IMMP2L: variants seen among roughly 807,000 people sequenced by gnomAD.
IMMP2L encodes the protein mitochondrial inner membrane protease subunit 2.
A neutral mutation model predicts 19.3 loss-of-function variants in IMMP2L; 18 were observed. The observed-to-expected ratio is 0.93, with a 90% CI of 0.64 to 1.38. The LOEUF is 1.38. Among genes scored for constraint, IMMP2L ranks in the 40% most tolerant of loss-of-function variants. The pLI is 0.00. For synonymous variants in IMMP2L, 76 were observed against 73.0 expected (o/e 1.04, Z -0.21); for missense variants, 233 against 218.2 (o/e 1.07, Z -0.43).
At chr7:110,920,093 T>C (rs755255957) in intron 4 of IMMP2L, among the ~76,000 whole-genome samples, 2 of 152,172 alleles carry the variant, frequency 1.3e-5, no homozygotes, top group Non-Finnish European at 2.9e-5. Context: ...GGCTATAGAC[T>C]GAAGGCTGCA....
At chr7:111,321,240 T>A (rs559133855) in intron 3 of IMMP2L, among the ~76,000 whole-genome samples, 173 of 152,056 alleles carry the variant, frequency 1.1e-3, no homozygotes, top group Non-Finnish European at 2.2e-3. Flanking sequence ...CATCTGTCCA[T>A]ACAGTGAGAA....
chr7:111,547,110 A>G (rs1848998606), intron 1 of IMMP2L, among the ~76,000 whole-genome samples: 1 of 152,220 alleles, frequency 6.6e-6, no homozygotes. Context: ...AATGCTGGTC[A>G]GAGAAGAATT....
intron 3 of IMMP2L, among the ~76,000 whole-genome samples, chr7:111,006,261 T>C (rs1314697498): frequency 6.6e-6 from 1 of 152,154 alleles, no homozygotes; most frequent in Non-Finnish European, 1.5e-5. Flanking sequence ...TGAAGACAAC[T>C]CTTGACTCAA....
chr7:111,430,803 G>T (rs1190873256), intron 3 of IMMP2L, among the ~76,000 whole-genome samples: 1 of 151,556 alleles, frequency 6.6e-6, no homozygotes, highest in Admixed American at 6.6e-5. Context: ...ATAGACAAAA[G>T]ACACTATTAA....
At chr7:111,034,061 A>G (rs950376306) in intron 3 of IMMP2L, among the ~76,000 whole-genome samples, 1 of 152,124 alleles carries the variant, frequency 6.6e-6, no homozygotes, top group Non-Finnish European at 1.5e-5. Flanking sequence ...AATGCTTTTT[A>G]TGTTGAATTT....
chr7:111,041,989 G>A (rs1425432419), intron 3 of IMMP2L, among the ~76,000 whole-genome samples: 1 of 152,092 alleles, frequency 6.6e-6, no homozygotes, highest in African/African-American at 2.4e-5. Flanking sequence ...CTATATTATA[G>A]GGCTTTTATA....
chr7:111,444,504 T>C (rs1838094066), intron 3 of IMMP2L, among the ~76,000 whole-genome samples: 1 of 152,196 alleles, frequency 6.6e-6, no homozygotes, highest in Non-Finnish European at 1.5e-5. Flanking sequence ...AAAGATTTAA[T>C]ATTTATAGTG....
intron 3 of IMMP2L, among the ~76,000 whole-genome samples, chr7:111,459,185 A>AACTCTTAACTGGGT (rs1839931248): frequency 6.6e-6 from 1 of 152,166 alleles, no homozygotes; most frequent in Non-Finnish European, 1.5e-5. Context: ...TGATTTTTCA[A>AACTCTTAACTGGGT]TATTACAAAG....
intron 3 of IMMP2L, among the ~76,000 whole-genome samples, chr7:111,379,326 G>A (rs894768519): frequency 2.0e-5 from 3 of 151,142 alleles, no homozygotes; most frequent in Non-Finnish European, 4.4e-5. Flanking sequence ...TTATATTCCA[G>A]TCAAGGAACG....
chr7:110,925,780 T>C (rs561587988), intron 4 of IMMP2L, among the ~76,000 whole-genome samples: 12 of 152,152 alleles, frequency 7.9e-5, no homozygotes, highest in African/African-American at 2.9e-4. Flanking sequence ...AACGAATGAA[T>C]GATCCTGTTC....
At chr7:111,011,811 G>T (rs1234363025) in intron 3 of IMMP2L, among the ~76,000 whole-genome samples, 1 of 152,162 alleles carries the variant, frequency 6.6e-6, no homozygotes, top group Non-Finnish European at 1.5e-5. Context: ...TCACCAGGAA[G>T]AAAATGTGCC....
intron 1 of IMMP2L, among the ~76,000 whole-genome samples, chr7:111,536,943 A>G (rs1202777790): frequency 6.6e-6 from 1 of 152,118 alleles, no homozygotes; most frequent in African/African-American, 2.4e-5. Flanking sequence ...GAAACAGCTG[A>G]CATTGAAATT....
At chr7:111,124,097 T>G in intron 3 of IMMP2L, 1 of 1,614,046 alleles carries the variant, frequency 6.2e-7, no homozygotes, top group Non-Finnish European at 8.5e-7. Flanking sequence ...TATGTTTCCT[T>G]TCACTGTAGA....
chr7:111,487,274 T>C lies in IMMP2L; in HGVS notation c.203A>G (p.Asn68Ser). ...AATGTCACCACGGTGTACTTCAAAA[T>C]TCCTCACTTTCCAGTGGTTCAAAAG... ...VVLLNHWKVR[N>S]FEVHRGDIVS... Residue 68 changes from asparagine to serine, a missense_variant, in exon 3 of 6, where the codon AAT becomes AGT. Coordinates refer to ENST00000405709, the MANE Select transcript of IMMP2L (RefSeq NM_032549.4). The C allele has an allele frequency of 6.2e-7, 1 of 1,605,716 alleles. No homozygotes were observed. The highest frequency in any genetic ancestry group is 8.5e-7 in the Non-Finnish European group (1 of 1,172,566).
intron 2 of IMMP2L, among the ~76,000 whole-genome samples, chr7:111,492,759 T>C (rs75995818): frequency 0.02 from 3,098 of 152,320 alleles, 109 homozygotes; most frequent in African/African-American, 0.07. Flanking sequence ...TAACTTCCAA[T>C]AGTGAAGTAA....
chr7:110,665,705 C>A (rs1371504446), intron 5 of IMMP2L, among the ~76,000 whole-genome samples: 1 of 152,048 alleles, frequency 6.6e-6, no homozygotes, highest in East Asian at 1.9e-4. Context: ...TCAGGAGGCA[C>A]AAAATATCGG....
At chr7:111,031,407 T>TGTGTGTGTGTGTGAGA (rs147571783) in intron 3 of IMMP2L, among the ~76,000 whole-genome samples, 1 of 147,102 alleles carries the variant, frequency 6.8e-6, no homozygotes, top group Admixed American at 6.8e-5. Context: ...TGTGTGTGTG[T>TGTGTGTGTGTGTGAGA]GAGAGAAAGA....
rs566426227 is a variant in IMMP2L at position 111,152,422 on chromosome 7, ATC to A, written c.240-188859_240-188858del. Reference sequence around the variant, plus strand: ...CCTTTTCCCACTGAATCCTGAAAACATCTCTGTTACTGCACACATCACATTTT... The same window carrying A: ...CCTTTTCCCACTGAATCCTGAAAACATCTGTTACTGCACACATCACATTTT... On this transcript the variant is annotated intron_variant, in intron 3 of 5. Coordinates refer to ENST00000405709, the MANE Select transcript of IMMP2L (RefSeq NM_032549.4). 1.6e-4 allele frequency among the ~76,000 whole-genome samples: 24 copies of A among 152,200 alleles called. No individual in the cohort carries two copies. In the South Asian group the frequency reaches 2.3e-3, roughly 14 times the overall value.
intron 3 of IMMP2L, among the ~76,000 whole-genome samples, chr7:111,408,908 C>G (rs1295551296): frequency 6.6e-6 from 1 of 151,574 alleles, no homozygotes; most frequent in Non-Finnish European, 1.5e-5. Context: ...CCACATTCAC[C>G]TTCAATTCCT....
Sources: allele counts gnomAD v4.1 joint callset (sites outside exome capture counted in the v4.1 genomes callset), GRCh38; gene constraint gnomAD v4.1.1; transcripts MANE v1.5; gene names NCBI Gene and HGNC (gene_info 2026-07-23, HGNC 2026-07-21).